RNF31: variants seen among roughly 807,000 people sequenced by gnomAD.
The protein encoded by RNF31 is ring finger protein 31, also known as E3 ubiquitin-protein ligase RNF31.
RNF31 carries 38 observed loss-of-function variants against 133.6 expected under a neutral mutation model. The observed-to-expected ratio is 0.28, with a 90% CI of 0.22 to 0.37. The LOEUF (loss-of-function observed/expected upper bound fraction) is 0.37. RNF31 is among the 10% of genes least tolerant of loss of function. The pLI, the probability that RNF31 is intolerant of heterozygous loss-of-function variation, is 1.00. For synonymous variants in RNF31, 582 were observed against 552.3 expected (o/e 1.05, Z -0.75); for missense variants, 1,118 against 1,394.1 (o/e 0.80, Z 3.15).
At chr14:24,149,604 G>C (rs1345708449) in intron 6 of RNF31, 21 bp downstream of exon 6, 2 of 1,599,936 alleles carry the variant, frequency 1.3e-6, no homozygotes, top group South Asian at 2.2e-5. Flanking sequence ...TTCTCTTCTG[G>C]GTGGGAGTGA....
intron 11 of RNF31, among the ~76,000 whole-genome samples, chr14:24,153,905 A>C (rs1256586996): frequency 6.6e-6 from 1 of 152,142 alleles, no homozygotes; most frequent in East Asian, 1.9e-4. Flanking sequence ...CTCTGTCTCA[A>C]AATAAATTAA....
chr14:24,153,118 G>C (rs937426329), intron 11 of RNF31, among the ~76,000 whole-genome samples: 1 of 151,782 alleles, frequency 6.6e-6, no homozygotes, highest in East Asian at 1.9e-4. Context: ...ATTTTTGTGT[G>C]TGTGTGTGAC....
intron 11 of RNF31, among the ~76,000 whole-genome samples, chr14:24,152,409 C>CTTTT (rs1555347860): frequency 2.7e-5 from 4 of 149,776 alleles, no homozygotes; most frequent in African/African-American, 9.8e-5. Flanking sequence ...AAATGTAAAA[C>CTTTT]TTTATTTATT....
At chr14:24,149,965 C>T (rs1325666797) in intron 6 of RNF31, 96 bp from the exon 7 acceptor site, 5 of 1,406,956 alleles carry the variant, frequency 3.6e-6, no homozygotes, top group Non-Finnish European at 4.8e-6. Context: ...AGGCCAGTGA[C>T]ATGAGTTGTT....
rs548219225 is a variant in RNF31 at position 24,160,217 on chromosome 14, T to C, written c.2997-22T>C. The C allele has an allele frequency of 5.0e-6, 8 of 1,602,708 alleles. No homozygotes were observed. In the South Asian group the frequency reaches 6.6e-5, roughly 13 times the overall value. ...TTAATATTAGCCAACACAACAAATA[T>C]TCTGCTCCCTTTTCTCCCCAGGGCA... is the stretch of plus-strand genomic sequence containing the variant. On this transcript the variant is annotated intron_variant, in intron 19 of 20. Coordinates refer to ENST00000324103, the MANE Select transcript of RNF31 (RefSeq NM_017999.5). The surrounding 1 kb of genome is among the most constrained non-coding windows in gnomAD (Gnocchi z 4.0).
rs765421543 is a variant in RNF31 at position 24,148,892 on chromosome 14, A to C, written c.631+16A>C. 4 of 1,608,368 alleles carry C rather than the reference A, an allele frequency of 2.5e-6. No homozygotes were observed. The highest frequency in any genetic ancestry group is 3.4e-6 in the Non-Finnish European group (4 of 1,174,798). On this transcript the variant is annotated intron_variant, in intron 5 of 20. Coordinates refer to ENST00000324103, the MANE Select transcript of RNF31 (RefSeq NM_017999.5). ...TCTGTCCCAGGTATTATTGGTCCTA[A>C]ATTGGGGACCAGGTAGGAAGCTATA...
At position 24,155,483 on chromosome 14, in the gene RNF31, C is replaced by T; in HGVS notation, c.2374C>T (p.Arg792Trp). ...HKKLTEGVLM[R>W]DPKFLWCAQC... ...GAAGCTGACCGAGGGTGTGCTGATG[C>T]GGGACCCCAAGTTCTTGTGGTGTGC... The change falls in exon 13 of 21, where the codon CGG becomes TGG. Residue 792 changes from arginine (R) to tryptophan (W), a missense_variant. Coordinates refer to ENST00000324103, the MANE Select transcript of RNF31 (RefSeq NM_017999.5). The surrounding 1 kb of genome is among the most constrained non-coding windows in gnomAD (Gnocchi z 4.9). 1.2e-6 allele frequency: 2 copies of T among 1,614,154 alleles called. No individual in the cohort carries two copies. The highest frequency in any genetic ancestry group is 1.7e-6 in the Non-Finnish European group (2 of 1,180,022).
rs2038371233 is a variant in RNF31 at position 24,157,952 on chromosome 14, C to T, written c.2782C>T (p.Arg928Ter). 6 of 1,614,070 alleles carry T rather than the reference C, an allele frequency of 3.7e-6. No homozygotes were observed. The highest frequency in any genetic ancestry group is 1.7e-5 in the Admixed American group (1 of 60,010). Residue 928 changes from arginine (R) to a stop codon, truncating the protein, a stop_gained, in exon 17 of 21, where the codon CGA becomes TGA. Coordinates refer to ENST00000324103, the MANE Select transcript of RNF31 (RefSeq NM_017999.5). LOFTEE classifies it high-confidence loss of function. ...AAAGTCCCTGCACGGCCACCACCCT[C>T]GAGACTGCCTCTTCTACCTGCGGGA... ...VKKSLHGHHP[R>*]DCLFYLRDWT...
At chr14:24,150,937 G>A in intron 8 of RNF31, 49 bp downstream of exon 8, 1 of 1,530,768 alleles carries the variant, frequency 6.5e-7, no homozygotes, top group South Asian at 1.3e-5. Context: ...TCTGGGAAAG[G>A]AGATGCTGCA....
At chr14:24,152,087 T>C in intron 11 of RNF31, 95 bp downstream of exon 11, 1 of 1,304,318 alleles carries the variant, frequency 7.7e-7, no homozygotes, top group Non-Finnish European at 1.1e-6. Flanking sequence ...TGTCTTCTGC[T>C]CTTCAGTTGC....
Position 24,151,436 on chromosome 14 carries a change from CCTTG to C in RNF31, c.1738-41_1738-38del. The C allele has an allele frequency of 6.2e-7, 1 of 1,613,232 alleles. No individual in the cohort carries two copies. ...GAGAGTCTGCATCTCTCACACTCTCCCTTGCTTGCTTTCCCACTTCATTCCCCCT... is the reference window on the plus strand; with the variant it reads ...GAGAGTCTGCATCTCTCACACTCTCCCTTGCTTTCCCACTTCATTCCCCCT... On this transcript the variant is annotated intron_variant, in intron 9 of 20. Coordinates refer to ENST00000324103, the MANE Select transcript of RNF31 (RefSeq NM_017999.5). This position sits in a 1 kb window ranked among gnomAD's most constrained non-coding sequence, Gnocchi z 5.3.
chr14:24,150,839 G>A lies in RNF31; in HGVS notation c.1439G>A (p.Arg480His), dbSNP rs779294884. The change falls in exon 8 of 21, where the codon CGC becomes CAC. Residue 480 changes from arginine (R) to histidine (H), a missense_variant. Physicochemically the swap from Arg to His is conservative, Grantham distance 29. This residue lies in a region of RNF31 where 747 missense variants were observed against 827.9 expected (regional missense o/e 0.90). Transcript: ENST00000324103. The stretch of plus-strand genomic sequence containing the variant: ...TCCTGTGGAGATCCTGAGAAGCAGC[G>A]CCAAGACAAGATGCGGGAAGAAGGC... ...PSSCGDPEKQ[R>H]QDKMREEGLQ... 47 of 1,579,198 alleles carry A rather than the reference G, an allele frequency of 3.0e-5. No individual in the cohort carries two copies. The Middle Eastern group carries it at 8.5e-4, about 28-fold the overall frequency.
chr14:24,151,721 G>A lies in RNF31; in HGVS notation c.1923+51G>A. On this transcript the variant is annotated intron_variant, in intron 10 of 20. Transcript: ENST00000324103. This position sits in a 1 kb window ranked among gnomAD's most constrained non-coding sequence, Gnocchi z 5.3. ...AGGGTCCACCTAGAGGAGCAAGAGG[G>A]AGCTGAGGGGAAGGGTCCCTGGAGT... The A allele has an allele frequency of 6.2e-7, 1 of 1,602,692 alleles. No homozygotes were observed. Among genetic ancestry groups the A allele is most frequent in the Non-Finnish European group, 8.5e-7 (1 of 1,174,960 alleles).
chr14:24,152,105 C>T (rs2038275556), intron 11 of RNF31, 113 bp downstream of exon 11: 3 of 1,028,784 alleles, frequency 2.9e-6, no homozygotes, highest in Admixed American at 2.7e-5. Context: ...TGCCCATATA[C>T]CCCTGAAGGC....
Position 24,148,003 on chromosome 14 carries a change from A to G in RNF31, c.220A>G (p.Thr74Ala), listed in dbSNP as rs1252462571. ...EPRNYLNTLS[T>A]ALNILEKYGR... is the part of the protein sequence containing the mutation. ...CCGAAACTACCTCAACACCCTGTCC[A>G]CGGCTCTGAACATCCTGGAGAAATA... The change falls in exon 2 of 21, where the codon ACG becomes GCG. Residue 74 changes from threonine (T) to alanine (A), a missense_variant. Transcript: ENST00000324103. 1 of 1,614,012 alleles carries G rather than the reference A, an allele frequency of 6.2e-7. No individual in the cohort carries two copies. The highest frequency in any genetic ancestry group is 1.7e-5 in the Admixed American group (1 of 60,006).
At position 24,155,801 on chromosome 14, in the gene RNF31, G is replaced by C; in HGVS notation, c.2493+109G>C. Reference sequence around the variant, plus strand: ...GAGCAAAACAGACATGAGCTCTGAGGTCAAAAGAGCTTACAGACTACTCAG... The same window carrying C: ...GAGCAAAACAGACATGAGCTCTGAGCTCAAAAGAGCTTACAGACTACTCAG... On this transcript the variant is annotated intron_variant, in intron 14 of 20. Transcript: ENST00000324103. This position sits in a 1 kb window ranked among gnomAD's most constrained non-coding sequence, Gnocchi z 4.9. 2 of 894,148 alleles carry C rather than the reference G, an allele frequency of 2.2e-6. No individual in the cohort carries two copies. The highest frequency in any genetic ancestry group is 3.6e-6 in the Non-Finnish European group (2 of 552,344). 55.4% of individuals were successfully genotyped at this position (894,148 alleles called of 1,614,324 possible).
At chr14:24,159,998 T>C in intron 19 of RNF31, 38 bp downstream of exon 19, 3 of 1,579,296 alleles carry the variant, frequency 1.9e-6, no homozygotes, top group African/African-American at 1.3e-5. Context: ...TGTTGGGCAG[T>C]GGGTAGAAGT....
intron 18 of RNF31, among the ~76,000 whole-genome samples, chr14:24,158,892 G>A (rs2038388584): frequency 6.6e-6 from 1 of 151,694 alleles, no homozygotes; most frequent in East Asian, 1.9e-4. Context: ...AATTAGCCGG[G>A]CGTGGTGGCG....
At position 24,147,636 on chromosome 14, in the gene RNF31, G is replaced by T; in HGVS notation, c.-63G>T. 3 of 1,342,582 alleles carry T rather than the reference G, an allele frequency of 2.2e-6. No individual in the cohort carries two copies. Among genetic ancestry groups the T allele is most frequent in the Non-Finnish European group, 1.9e-6 (2 of 1,047,678 alleles). 83.2% of individuals were successfully genotyped at this position (1,342,582 alleles called of 1,614,324 possible). On this transcript the variant is annotated 5_prime_UTR_variant, in exon 1 of 21. Transcript: ENST00000324103. ...ACCAGACGGGAGGGGCGGCGCTCGG[G>T]CCGCGCGCTGCCCGCGCCGGGTCCT...
Sources: allele counts gnomAD v4.1 joint callset (sites outside exome capture counted in the v4.1 genomes callset), GRCh38; gene constraint gnomAD v4.1.1; regional missense constraint gnomAD v4.1.1; non-coding constraint Gnocchi (gnomAD v3.1); transcripts MANE v1.5; gene names NCBI Gene and HGNC (gene_info 2026-07-23, HGNC 2026-07-21).